SPHKAP: variants seen among roughly 807,000 people sequenced by gnomAD.
The protein encoded by SPHKAP is SPHK1 interactor, AKAP domain containing.
A neutral mutation model predicts 137.5 loss-of-function variants in SPHKAP; 67 were observed. The observed-to-expected ratio is 0.49, with a 90% CI of 0.40 to 0.60. The LOEUF is 0.60. Ranked by LOEUF, SPHKAP falls within the 20% of genes least tolerant of loss-of-function variation. The pLI is 0.00. For missense variants in SPHKAP, 2,097 were observed against 2,069.3 expected, an observed-to-expected ratio of 1.01 and a Z score of -0.26; for synonymous variants, 813 against 785.3, an observed-to-expected ratio of 1.04 and a Z score of -0.59.
chr2:228,169,034 T>G (rs1700503749), intron 1 of SPHKAP, among the ~76,000 whole-genome samples: 1 of 152,068 alleles, frequency 6.6e-6, no homozygotes, highest in African/African-American at 2.4e-5. Context: ...CCTCACTCTC[T>G]TCAATTCTAT....
At chr2:228,131,199 C>A (rs6731359) in intron 2 of SPHKAP, 86,258 of 637,770 alleles carry the variant, frequency 0.14, 5,980 homozygotes, top group Non-Finnish European at 0.14. Flanking sequence ...TGCTTAGTAA[C>A]AGCATTTGTG....
intron 3 of SPHKAP, among the ~76,000 whole-genome samples, chr2:228,043,355 C>T: frequency 6.6e-6 from 1 of 152,200 alleles, no homozygotes; most frequent in East Asian, 1.9e-4. Context: ...GAGATGGAGT[C>T]TCGCTTTGTC....
At chr2:228,120,505 T>A (rs574612508) in intron 2 of SPHKAP, among the ~76,000 whole-genome samples, 46 of 152,292 alleles carry the variant, frequency 3.0e-4, no homozygotes, top group Admixed American at 1.8e-3. Flanking sequence ...CTTTGTATGT[T>A]ACCCTGGGCC....
intron 7 of SPHKAP, chr2:227,995,933 T>C (rs998036412): frequency 1.0e-6 from 1 of 983,574 alleles, no homozygotes; most frequent in African/African-American, 1.7e-5. Flanking sequence ...CCTCCAATCA[T>C]TTGAAAAACA....
chr2:228,036,767 G>A lies in SPHKAP; in HGVS notation c.247-9224C>T, dbSNP rs560547029. Among the ~76,000 whole-genome samples the A allele has an allele frequency of 6.5e-4, 98 of 151,930 alleles. 1 individual carries two copies. The highest frequency in any genetic ancestry group is 2.1e-3 in the African/African-American group (85 of 41,400). ...ATGAAGCTGGAAACCATCATTTTCC[G>A]AAAACTATCGCAAGGACAAAAAACC... On this transcript the variant is annotated intron_variant, in intron 3 of 11. Transcript: ENST00000392056.
chr2:228,060,119 T>C (rs1000624034), intron 3 of SPHKAP, among the ~76,000 whole-genome samples: 13 of 152,066 alleles, frequency 8.5e-5, no homozygotes, highest in African/African-American at 2.9e-4. Context: ...GGCTTCCCTA[T>C]GAAAAAGGGT....
rs1401579001 is a variant in SPHKAP at position 228,051,596 on chromosome 2, C to T, written c.247-24053G>A. On this transcript the variant is annotated intron_variant, in intron 3 of 11. Transcript: ENST00000392056. ...TAGCCTAGGTAAGCTGCTCCCCTGA[C>T]CCCACTGTAAAACAACCTGAAGACC... 2.6e-5 allele frequency among the ~76,000 whole-genome samples: 4 copies of T among 152,294 alleles called. No homozygotes were observed. The East Asian group carries it at 7.7e-4, about 29-fold the overall frequency.
chr2:228,077,167 A>AG (rs1697213044), intron 3 of SPHKAP, among the ~76,000 whole-genome samples: 1 of 152,132 alleles, frequency 6.6e-6, no homozygotes, highest in Non-Finnish European at 1.5e-5. Context: ...TGTTTGCTGT[A>AG]GGGGCGAGGT....
At chr2:228,152,339 C>G (rs1323653968) in intron 1 of SPHKAP, among the ~76,000 whole-genome samples, 1 of 152,092 alleles carries the variant, frequency 6.6e-6, no homozygotes, top group Non-Finnish European at 1.5e-5. Flanking sequence ...TGAATAGAAA[C>G]TTAAAATAGC....
chr2:228,177,142 C>A (rs1000578478), intron 1 of SPHKAP, among the ~76,000 whole-genome samples: 4 of 151,770 alleles, frequency 2.6e-5, no homozygotes, highest in African/African-American at 7.3e-5. Flanking sequence ...GGAGCAAGGG[C>A]CCATAAAACT....
At chr2:228,022,278 G>A (rs1017417420) in intron 5 of SPHKAP, 2 of 798,458 alleles carry the variant, frequency 2.5e-6, no homozygotes, top group African/African-American at 1.9e-5. Flanking sequence ...TTTTATTTGA[G>A]GCTATTAAAA....
intron 3 of SPHKAP, among the ~76,000 whole-genome samples, chr2:228,087,414 T>A (rs1024289765): frequency 6.6e-6 from 1 of 152,100 alleles, no homozygotes; most frequent in Non-Finnish European, 1.5e-5. Context: ...AATAAGAACA[T>A]GTAACCCATA....
chr2:228,074,687 T>A (rs1697118345), intron 3 of SPHKAP, among the ~76,000 whole-genome samples: 1 of 152,198 alleles, frequency 6.6e-6, no homozygotes, highest in African/African-American at 2.4e-5. Flanking sequence ...CCTGAATTAT[T>A]TGAAGTCTTC....
chr2:228,010,391 G>A (rs1463999696), intron 7 of SPHKAP, among the ~76,000 whole-genome samples: 2 of 152,154 alleles, frequency 1.3e-5, no homozygotes, highest in Non-Finnish European at 2.9e-5. Flanking sequence ...AATTAGCTGG[G>A]TGTGGTGGCA....
intron 1 of SPHKAP, among the ~76,000 whole-genome samples, chr2:228,139,901 C>CTTTA (rs1218246735): frequency 3.0e-5 from 3 of 100,182 alleles, no homozygotes; most frequent in Non-Finnish European, 2.3e-5. Flanking sequence ...TTCTTTATTT[C>CTTTA]TTTATTTATT....
Position 228,019,750 on chromosome 2 carries a change from T to C in SPHKAP, c.1104A>G (p.Pro368=). The C allele has an allele frequency of 1.2e-6, 2 of 1,614,206 alleles. No homozygotes were observed. Among genetic ancestry groups the C allele is most frequent in the South Asian group, 2.2e-5 (2 of 91,080 alleles). The change falls in exon 7 of 12, where the codon CCA becomes CCG. Residue 368 remains proline, a synonymous_variant. Transcript: ENST00000392056. ...AVAEQRSNLN[P]GDHEDTRNAL... ...CGTTTCTTGTGTCTTCATGGTCTCC[T>C]GGGTTTAGGTTGCTTCTCTGCTCTG... is the stretch of plus-strand genomic sequence containing the variant.
intron 3 of SPHKAP, among the ~76,000 whole-genome samples, chr2:228,070,634 C>T (rs183771933): frequency 3.5e-4 from 53 of 152,182 alleles, no homozygotes; most frequent in Admixed American, 3.3e-3. Flanking sequence ...TATAATACAT[C>T]GTCTTTCTCA....
At chr2:228,016,286 TC>T in intron 7 of SPHKAP, 119 bp downstream of exon 7, 1 of 1,406,282 alleles carries the variant, frequency 7.1e-7, no homozygotes, top group Non-Finnish European at 9.3e-7. Context: ...TTTTTTTTGG[TC>T]TTGAAAATTT....
At position 228,092,324 on chromosome 2, in the gene SPHKAP, TAC is replaced by T. The variant is rs553174851; in HGVS notation, c.246+16506_246+16507del. On this transcript the variant is annotated intron_variant, in intron 3 of 11. Transcript: ENST00000392056. The stretch of plus-strand genomic sequence containing the variant: ...ACACACGTGTATGTGTGTGTATACG[TAC>T]ACACACACGTGTATGTGTGTGTATA... 3.5e-3 allele frequency among the ~76,000 whole-genome samples: 364 copies of T among 102,748 alleles called. 3 individuals carry two copies. The highest frequency in any genetic ancestry group is 0.013 in the Admixed American group (117 of 8,824). The allele number at this position is 102,748 out of a possible 152,430, so 67.4% of individuals were successfully genotyped here.
Sources: gnomAD v4.1 joint callset for allele counts (sites outside exome capture counted in the v4.1 genomes callset) on GRCh38, gnomAD v4.1.1 for gene constraint, MANE v1.5 for transcripts, NCBI Gene and HGNC (gene_info 2026-07-23, HGNC 2026-07-21) for gene names.